The following RABGAP1L variants were observed in gnomAD, a reference collection of about 807,000 sequenced individuals.
The protein encoded by RABGAP1L is RAB GTPase activating protein 1 like.
A neutral mutation model predicts 137.7 loss-of-function variants in RABGAP1L; 63 were observed. The observed-to-expected ratio is 0.46, with a 90% confidence interval of 0.37 to 0.56. The LOEUF is 0.56. Ranked by LOEUF, RABGAP1L falls within the 20% of genes least tolerant of loss-of-function variation. The pLI is 0.00. For missense variants in RABGAP1L, 1,095 were observed against 1,244.0 expected (o/e 0.88, Z 1.80); for synonymous variants, 431 against 433.7 (o/e 0.99, Z 0.08).
intron 19 of RABGAP1L, among the ~76,000 whole-genome samples, chr1:174,902,422 G>A (rs1206527437): frequency 6.6e-6 from 1 of 152,208 alleles, no homozygotes; most frequent in African/African-American, 2.4e-5. Context: ...GTGAGGTGCT[G>A]TGGAAGTGGG....
intron 12 of RABGAP1L, among the ~76,000 whole-genome samples, chr1:174,376,626 T>C (rs1006803088): frequency 3.9e-5 from 6 of 152,154 alleles, no homozygotes; most frequent in Admixed American, 1.3e-4. Flanking sequence ...GAAAAAGCAT[T>C]TGACCCAATT....
chr1:174,854,390 A>G (rs1377145223), intron 19 of RABGAP1L, among the ~76,000 whole-genome samples: 3 of 152,162 alleles, frequency 2.0e-5, no homozygotes, highest in Non-Finnish European at 4.4e-5. Context: ...TTCATAAAAC[A>G]CTAGGGGAAA....
intron 19 of RABGAP1L, among the ~76,000 whole-genome samples, chr1:174,953,259 C>G (rs890161242): frequency 6.6e-6 from 1 of 152,036 alleles, no homozygotes; most frequent in African/African-American, 2.4e-5. Flanking sequence ...AAATAAACAC[C>G]TCAAATGAGA....
At chr1:174,872,276 T>A (rs761185881) in intron 19 of RABGAP1L, among the ~76,000 whole-genome samples, 5 of 152,162 alleles carry the variant, frequency 3.3e-5, no homozygotes, top group Admixed American at 6.5e-5. Flanking sequence ...TGTTCTTTAT[T>A]TACCTTTGCA....
At chr1:174,615,805 G>A (rs564616053) in intron 13 of RABGAP1L, among the ~76,000 whole-genome samples, 25 of 152,184 alleles carry the variant, frequency 1.6e-4, no homozygotes, top group African/African-American at 4.6e-4. Flanking sequence ...CCCCAGCCTC[G>A]CTGCCGCCTT....
chr1:174,412,353 G>A (rs1273711649), intron 13 of RABGAP1L, among the ~76,000 whole-genome samples: 2 of 152,050 alleles, frequency 1.3e-5, no homozygotes, highest in African/African-American at 4.8e-5. Context: ...GAGGCTTTGG[G>A]TGTTATTATG....
chr1:174,533,095 G>A (rs1011356350), intron 13 of RABGAP1L, among the ~76,000 whole-genome samples: 4 of 152,158 alleles, frequency 2.6e-5, no homozygotes, highest in South Asian at 2.1e-4. Context: ...TTAGCCAGGC[G>A]TGGTGGGGCA....
At chr1:174,170,567 C>T (rs1665276730) in intron 1 of RABGAP1L, among the ~76,000 whole-genome samples, 3 of 148,724 alleles carry the variant, frequency 2.0e-5, no homozygotes, top group Middle Eastern at 3.6e-3. Flanking sequence ...CCCAGCTGCT[C>T]GGGAGGCTGA....
chr1:174,615,801 C>A (rs1037042396), intron 13 of RABGAP1L, among the ~76,000 whole-genome samples: 3 of 152,228 alleles, frequency 2.0e-5, no homozygotes, highest in Non-Finnish European at 4.4e-5. Flanking sequence ...CCTCCCCCAG[C>A]CTCGCTGCCG....
chr1:174,277,623 T>C (rs1269177419), intron 9 of RABGAP1L, among the ~76,000 whole-genome samples: 1 of 152,018 alleles, frequency 6.6e-6, no homozygotes, highest in Non-Finnish European at 1.5e-5. Context: ...TTAAAATTTC[T>C]AAATTATGTC....
intron 20 of RABGAP1L, among the ~76,000 whole-genome samples, chr1:174,966,433 T>C (rs1392738659): frequency 6.6e-6 from 1 of 152,240 alleles, no homozygotes; most frequent in African/African-American, 2.4e-5. Context: ...CTTTCCTGGC[T>C]GGGAGGAAAT....
rs1648188534 is a variant in RABGAP1L, at chr1:174,398,741, A to G, written c.1710+4596A>G. Among the ~76,000 whole-genome samples, 6 of 151,916 alleles carry G rather than the reference A, an allele frequency of 3.9e-5. No homozygotes were observed. The South Asian group carries it at 1.2e-3, about 32-fold the overall frequency. On this transcript the variant is annotated intron_variant, in intron 13 of 25. Coordinates refer to ENST00000681986, the MANE Select transcript of RABGAP1L (RefSeq NM_001366446.1). ...GATAGACACATTGATTTATCCCTCC[A>G]CCCCCGAAAATCTAGGCTTTTTGTA... is the stretch of plus-strand genomic sequence containing the variant.
At chr1:174,400,667 T>C (rs900190628) in intron 13 of RABGAP1L, among the ~76,000 whole-genome samples, 2 of 152,146 alleles carry the variant, frequency 1.3e-5, no homozygotes, top group Non-Finnish European at 2.9e-5. Context: ...AATGGATTAA[T>C]TTGAGCAGCT....
chr1:174,740,202 G>A (rs1022382780), intron 17 of RABGAP1L, among the ~76,000 whole-genome samples: 7 of 152,066 alleles, frequency 4.6e-5, no homozygotes, highest in African/African-American at 9.7e-5. Flanking sequence ...CAGTGGAGTC[G>A]TTTATATAAC....
intron 6 of RABGAP1L, among the ~76,000 whole-genome samples, chr1:174,251,568 T>C (rs1007686413): frequency 6.6e-6 from 1 of 152,226 alleles, no homozygotes; most frequent in Admixed American, 6.5e-5. Flanking sequence ...TTTTTTCTTT[T>C]TAGATAAGAC....
chr1:174,763,544 G>A (rs1252831547), intron 18 of RABGAP1L, among the ~76,000 whole-genome samples: 7 of 149,156 alleles, frequency 4.7e-5, no homozygotes, highest in African/African-American at 1.7e-4. Context: ...CCAGCTACTC[G>A]GGAGGCTGAG....
chr1:174,583,319 G>T (rs1180429417), intron 13 of RABGAP1L, among the ~76,000 whole-genome samples: 1 of 152,144 alleles, frequency 6.6e-6, no homozygotes, highest in Non-Finnish European at 1.5e-5. Context: ...TTTCAAGGGA[G>T]TCAAAGGCTC....
chr1:174,312,175 T>G (rs934300535), intron 11 of RABGAP1L, among the ~76,000 whole-genome samples: 3 of 152,210 alleles, frequency 2.0e-5, no homozygotes, highest in Admixed American at 1.3e-4. Flanking sequence ...TCCAAACTGT[T>G]CTATATAGTG....
chr1:174,576,713 T>A (rs899253481), intron 13 of RABGAP1L, among the ~76,000 whole-genome samples: 3 of 152,240 alleles, frequency 2.0e-5, no homozygotes, highest in Non-Finnish European at 4.4e-5. Context: ...ATCACACTGC[T>A]GAAACTGAGC....
Sources: gnomAD v4.1 joint callset for allele counts (sites outside exome capture counted in the v4.1 genomes callset) on GRCh38, gnomAD v4.1.1 for gene constraint, MANE v1.5 for transcripts, NCBI Gene and HGNC (gene_info 2026-07-23, HGNC 2026-07-21) for gene names.